The following SEMA3C variants were observed in gnomAD, a reference collection of about 807,000 sequenced individuals.
SEMA3C encodes semaphorin 3C.
In SEMA3C, 47 loss-of-function variants were observed where a neutral mutation model predicts 89.4. The observed-to-expected ratio is 0.53, with a 90% CI of 0.42 to 0.67. SEMA3C has a LOEUF of 0.67. SEMA3C is among the 30% of genes least tolerant of loss of function. The pLI is 0.00. For missense variants in SEMA3C, 839 were observed against 929.1 expected (o/e 0.90, Z 1.26); for synonymous variants, 310 against 320.2 (o/e 0.97, Z 0.34).
intron 6 of SEMA3C, among the ~76,000 whole-genome samples, chr7:80,807,420 T>A (rs1414834112): frequency 6.6e-6 from 1 of 152,206 alleles, no homozygotes; most frequent in African/African-American, 2.4e-5. Context: ...TCATTTCCTA[T>A]CTTAAATTCG....
chr7:80,904,890 G>A (rs565296325), intron 2 of SEMA3C, among the ~76,000 whole-genome samples: 79 of 152,006 alleles, frequency 5.2e-4, no homozygotes, highest in Non-Finnish European at 9.0e-4. Context: ...CACTGCCCTA[G>A]GGTCTCAGGT....
chr7:80,749,062 A>G (rs1339438580), intron 16 of SEMA3C, 34 bp from the exon 17 acceptor site: 1 of 1,568,384 alleles, frequency 6.4e-7, no homozygotes, highest in East Asian at 2.3e-5. Flanking sequence ...AGAGAGAAAG[A>G]AAGAACACAA....
intron 2 of SEMA3C, among the ~76,000 whole-genome samples, chr7:80,858,738 A>G (rs1384204959): frequency 6.6e-6 from 1 of 152,186 alleles, no homozygotes; most frequent in Non-Finnish European, 1.5e-5. Flanking sequence ...AAATGCATAC[A>G]TATTAGAGGC....
intron 4 of SEMA3C, 48 bp from the exon 5 acceptor site, chr7:80,818,466 G>A (rs999508777): frequency 1.9e-6 from 3 of 1,580,096 alleles, no homozygotes; most frequent in Non-Finnish European, 8.7e-7. Flanking sequence ...GACTTTCATT[G>A]TTATTTCAGT....
intron 12 of SEMA3C, among the ~76,000 whole-genome samples, chr7:80,784,372 GA>G (rs950978674): frequency 4.0e-5 from 6 of 151,316 alleles, no homozygotes; most frequent in Non-Finnish European, 7.4e-5. Flanking sequence ...TTCAACCTGT[GA>G]TTTTTTTTTT....
chr7:80,869,113 A>G (rs962963474), intron 2 of SEMA3C, among the ~76,000 whole-genome samples: 2 of 152,206 alleles, frequency 1.3e-5, no homozygotes, highest in Non-Finnish European at 2.9e-5. Flanking sequence ...CGATTTATTT[A>G]AAATCCTGGT....
At chr7:80,848,633 G>C (rs1237903382) in intron 2 of SEMA3C, among the ~76,000 whole-genome samples, 1 of 152,034 alleles carries the variant, frequency 6.6e-6, no homozygotes, top group Non-Finnish European at 1.5e-5. Context: ...TCCAGTTTTT[G>C]ATGTTTTTAT....
chr7:80,872,055 T>C (rs1365972267), intron 2 of SEMA3C, among the ~76,000 whole-genome samples: 1 of 152,208 alleles, frequency 6.6e-6, no homozygotes, highest in Non-Finnish European at 1.5e-5. Flanking sequence ...ATCAGTTTCA[T>C]ATTCACGGCC....
Position 80,835,682 on chromosome 7 carries a change from A to T in SEMA3C, c.104-6937T>A, listed in dbSNP as rs148446490. The stretch of plus-strand genomic sequence containing the variant: ...ACAAAGACAATAGAGACCAGAGGGC[A>T]TGTTATTAAAACCATATTTGCTCAA... On this transcript the variant is annotated intron_variant, in intron 2 of 17. Transcript: ENST00000265361. Among the ~76,000 whole-genome samples, 165 of 152,324 alleles carry T rather than the reference A, an allele frequency of 1.1e-3. 2 individuals are homozygous for T. The highest frequency in any genetic ancestry group is 2.2e-3 in the Admixed American group (33 of 15,292).
chr7:80,782,752 G>C (rs1413706862), intron 12 of SEMA3C, among the ~76,000 whole-genome samples: 27 of 152,094 alleles, frequency 1.8e-4, no homozygotes, highest in Admixed American at 1.8e-3. Flanking sequence ...TAGGTACTAA[G>C]GATACAGCAA....
Position 80,802,665 on chromosome 7 carries a change from C to T in SEMA3C, c.916G>A (p.Glu306Lys). 2 of 1,606,268 alleles carry T rather than the reference C, an allele frequency of 1.2e-6. No homozygotes were observed. The highest frequency in any genetic ancestry group is 2.2e-5 in the South Asian group (2 of 90,846). The change falls in exon 9 of 18, where the codon GAG becomes AAG. Residue 306 changes from glutamate to lysine, a missense_variant and splice_region_variant. By Grantham distance (56) the Glu-to-Lys change is moderately conservative. Transcript: ENST00000265361. ...DGPETHFDELEDVFLLETDNP... is the reference protein window; with the variant it reads ...DGPETHFDELKDVFLLETDNP... Reference sequence around the variant, plus strand: ...ATTTTTCAATCTCATATGTATGTACCTAATTCATCAAAGTGTGTTTCTGGG... The same window carrying T: ...ATTTTTCAATCTCATATGTATGTACTTAATTCATCAAAGTGTGTTTCTGGG...
intron 4 of SEMA3C, among the ~76,000 whole-genome samples, chr7:80,822,430 C>T (rs1016157954): frequency 1.0e-4 from 15 of 148,898 alleles, no homozygotes; most frequent in African/African-American, 3.7e-4. Context: ...AAAAAAACAG[C>T]ATGAACAGAA....
chr7:80,908,085 A>G (rs1471325408), intron 2 of SEMA3C, among the ~76,000 whole-genome samples: 1 of 152,136 alleles, frequency 6.6e-6, no homozygotes, highest in East Asian at 1.9e-4. Flanking sequence ...ATTAAACAAG[A>G]GATCCCTGTC....
chr7:80,911,191 A>G (rs575375683), intron 2 of SEMA3C, among the ~76,000 whole-genome samples: 32 of 152,278 alleles, frequency 2.1e-4, no homozygotes, highest in African/African-American at 7.2e-4. Flanking sequence ...AGTTAACATG[A>G]TATGTTTACA....
intron 2 of SEMA3C, among the ~76,000 whole-genome samples, chr7:80,912,845 G>A (rs78041414): frequency 4.6e-5 from 7 of 151,994 alleles, no homozygotes; most frequent in African/African-American, 1.2e-4. Flanking sequence ...TTCAACAAAC[G>A]TGCCTTGTAA....
intron 2 of SEMA3C, among the ~76,000 whole-genome samples, chr7:80,913,840 A>G (rs1792208862): frequency 6.6e-6 from 1 of 152,186 alleles, no homozygotes; most frequent in East Asian, 1.9e-4. Flanking sequence ...TTACTCCATT[A>G]TTTCACCACA....
At position 80,754,964 on chromosome 7, in the gene SEMA3C, T is replaced by TTTTTGTTTTTTTTGTTTTTTG. The variant is rs1554359504; in HGVS notation, c.1643+3366_1643+3367insCAAAAAACAAAAAAAACAAAA. ...GGCGAATTGTTTTTTTTTGTTTTTT[T>TTTTTGTTTTTTTTGTTTTTTG]TTTTTTTGTATTTTTAGTAGAGATG... On this transcript the variant is annotated intron_variant, in intron 15 of 17. Coordinates refer to ENST00000265361, the MANE Select transcript of SEMA3C (RefSeq NM_006379.5). Among the ~76,000 whole-genome samples, 153 of 129,170 alleles carry TTTTTGTTTTTTTTGTTTTTTG rather than the reference T, an allele frequency of 1.2e-3. 5 individuals carry two copies. The highest frequency in any genetic ancestry group is 3.3e-3 in the East Asian group (15 of 4,610). The allele number at this position is 129,170 out of a possible 152,430, so 84.7% of individuals were successfully genotyped here. A position where few individuals can be genotyped will look rare whatever the true frequency, so the allele number is the denominator to read the frequency against.
intron 2 of SEMA3C, among the ~76,000 whole-genome samples, chr7:80,848,796 A>G (rs1199592898): frequency 1.3e-5 from 2 of 152,120 alleles, no homozygotes; most frequent in African/African-American, 2.4e-5. Context: ...TATTTATGCA[A>G]ACTATGTATT....
chr7:80,890,518 G>A (rs1035821450), intron 2 of SEMA3C, among the ~76,000 whole-genome samples: 1 of 152,100 alleles, frequency 6.6e-6, no homozygotes, highest in East Asian at 1.9e-4. Context: ...AATGAAAGTT[G>A]CTTTTTACTT....
Sources: allele counts gnomAD v4.1 joint callset (sites outside exome capture counted in the v4.1 genomes callset), GRCh38; gene constraint gnomAD v4.1.1; transcripts MANE v1.5; gene names NCBI Gene and HGNC (gene_info 2026-07-23, HGNC 2026-07-21).